The following CSMD1 variants were observed in gnomAD, a reference collection of about 807,000 sequenced individuals.
CSMD1 encodes the protein CUB and Sushi multiple domains 1.
A neutral mutation model predicts 417.5 loss-of-function variants in CSMD1; 213 were observed. The observed-to-expected ratio is 0.51, with a 90% CI of 0.46 to 0.57. CSMD1 has a LOEUF of 0.57. Among genes scored for constraint, CSMD1 ranks in the 20% least tolerant of loss-of-function variants. CSMD1 has a pLI of 0.00. For missense variants in CSMD1, 6,923 were observed against 4,529.7 expected (o/e 1.53, Z -15.17); for synonymous variants, 2,862 against 1,736.8 (o/e 1.65, Z -16.11).
chr8:4,224,465 T>C (rs567321875), intron 3 of CSMD1, among the ~76,000 whole-genome samples: 4 of 152,018 alleles, frequency 2.6e-5, no homozygotes, highest in South Asian at 4.2e-4. Context: ...GGTTGGGGAA[T>C]AGTTGCTCTG....
intron 3 of CSMD1, among the ~76,000 whole-genome samples, chr8:4,217,887 G>A (rs1563290559): frequency 6.6e-6 from 1 of 152,256 alleles, no homozygotes; most frequent in Non-Finnish European, 1.5e-5. Flanking sequence ...AGAGGAGGTG[G>A]TTTCAGATGA....
intron 12 of CSMD1, among the ~76,000 whole-genome samples, chr8:3,460,978 T>A (rs1816464644): frequency 6.6e-6 from 1 of 152,138 alleles, no homozygotes; most frequent in Admixed American, 6.5e-5. Context: ...ATAAGTTTGT[T>A]CTTTAGCATA....
chr8:4,157,837 C>A (rs773515736), intron 3 of CSMD1, among the ~76,000 whole-genome samples: 1 of 152,150 alleles, frequency 6.6e-6, no homozygotes, highest in Non-Finnish European at 1.5e-5. Flanking sequence ...CTATCCTCCC[C>A]ACAGGAAAAC....
At chr8:4,751,621 C>T (rs1034888192) in intron 1 of CSMD1, among the ~76,000 whole-genome samples, 14 of 152,044 alleles carry the variant, frequency 9.2e-5, no homozygotes, top group Admixed American at 6.6e-5. Flanking sequence ...TAAATAGCAG[C>T]CTCAAGGGTG....
intron 23 of CSMD1, among the ~76,000 whole-genome samples, chr8:3,342,796 A>G (rs1030643434): frequency 6.6e-6 from 1 of 152,160 alleles, no homozygotes; most frequent in African/African-American, 2.4e-5. Context: ...TCTCGTCTCA[A>G]AAATTAATGG....
intron 12 of CSMD1, among the ~76,000 whole-genome samples, chr8:3,447,610 T>C (rs966066609): frequency 1.3e-5 from 2 of 152,160 alleles, no homozygotes; most frequent in African/African-American, 4.8e-5. Context: ...CCCCTGCACA[T>C]GTGATCATTT....
intron 5 of CSMD1, among the ~76,000 whole-genome samples, chr8:3,981,285 C>A (rs970119338): frequency 6.6e-6 from 1 of 151,992 alleles, no homozygotes; most frequent in Non-Finnish European, 1.5e-5. Context: ...TATGTGGGAG[C>A]TAAGCTATGA....
At chr8:4,695,313 T>C (rs576002329) in intron 1 of CSMD1, among the ~76,000 whole-genome samples, 2 of 152,192 alleles carry the variant, frequency 1.3e-5, no homozygotes, top group African/African-American at 2.4e-5. Context: ...ACTCCTGGCA[T>C]TGAAATAACT....
At chr8:4,642,608 G>C (rs1157467563) in intron 1 of CSMD1, among the ~76,000 whole-genome samples, 9 of 152,272 alleles carry the variant, frequency 5.9e-5, no homozygotes, top group Admixed American at 2.0e-4. Context: ...GTCCTGGGCT[G>C]GGTGGGCATT....
chr8:3,618,462 T>C (rs998760759), intron 7 of CSMD1, among the ~76,000 whole-genome samples: 1 of 150,494 alleles, frequency 6.6e-6, no homozygotes, highest in African/African-American at 2.5e-5. Flanking sequence ...TATTTCTTTT[T>C]TAAAATAAGT....
chr8:2,987,228 T>A (rs1805997920), intron 54 of CSMD1, among the ~76,000 whole-genome samples: 1 of 152,058 alleles, frequency 6.6e-6, no homozygotes, highest in African/African-American at 2.4e-5. Context: ...AAAATTTTAA[T>A]TAAAGAGGCA....
chr8:4,253,388 G>C (rs2128833040), intron 3 of CSMD1, among the ~76,000 whole-genome samples: 1 of 151,580 alleles, frequency 6.6e-6, no homozygotes, highest in East Asian at 2.0e-4. Context: ...TTTTCATTGA[G>C]TCCATAATCT....
At chr8:3,760,320 C>G (rs151043788) in intron 5 of CSMD1, among the ~76,000 whole-genome samples, 18 of 152,262 alleles carry the variant, frequency 1.2e-4, no homozygotes, top group Non-Finnish European at 1.9e-4. Flanking sequence ...ATGCCAAATT[C>G]ATTTCCTTCA....
intron 4 of CSMD1, among the ~76,000 whole-genome samples, chr8:4,010,636 C>G (rs768005758): frequency 3.3e-5 from 5 of 152,080 alleles, no homozygotes; most frequent in African/African-American, 9.7e-5. Flanking sequence ...ACCCAAACAC[C>G]TAAACTCATA....
chr8:3,091,513 T>G lies in CSMD1; in HGVS notation c.7285+3A>C, dbSNP rs570662425. 2 of 1,597,988 alleles carry G rather than the reference T, an allele frequency of 1.3e-6. No homozygotes were observed. Among genetic ancestry groups the G allele is most frequent in the East Asian group, 4.5e-5 (2 of 44,258 alleles). On this transcript the variant is annotated splice_donor_region_variant and intron_variant, in intron 48 of 69. Transcript: ENST00000635120. ...ATATAAAATCTAAACCTCATTTACT[T>G]ACCTGCATAGCGAATCTTGAATCCT... is the stretch of plus-strand genomic sequence containing the variant.
At chr8:4,707,886 C>CAAAAAAAAAAAAAAAAAAAAAAAAAAAA (rs552510236) in intron 1 of CSMD1, among the ~76,000 whole-genome samples, 6 of 100,850 alleles carry the variant, frequency 5.9e-5, no homozygotes, top group Non-Finnish European at 1.2e-4. Context: ...GACTTTGTTT[C>CAAAAAAAAAAAAAAAAAAAAAAAAAAAA]AAAAAAAAAA....
intron 7 of CSMD1, among the ~76,000 whole-genome samples, chr8:3,693,142 A>C (rs1000995632): frequency 8.5e-5 from 13 of 152,188 alleles, no homozygotes; most frequent in South Asian, 6.2e-4. Context: ...AGTCACCCAC[A>C]CTGTGTCAAG....
chr8:3,672,352 AGT>A (rs34295889), intron 7 of CSMD1, among the ~76,000 whole-genome samples: 65,378 of 151,714 alleles, frequency 0.43, 14,440 homozygotes, highest in Admixed American at 0.55. Context: ...TTTCAGTTGT[AGT>A]GTGTGTCGGC....
chr8:4,046,629 A>AAGAC (rs769436549), intron 3 of CSMD1, among the ~76,000 whole-genome samples: 16,004 of 152,080 alleles, frequency 0.11, 249 homozygotes, highest in East Asian at 0.3. Context: ...TAATTCCATC[A>AAGAC]TAACAAACAA....
Sources: gnomAD v4.1 joint callset for allele counts (sites outside exome capture counted in the v4.1 genomes callset) on GRCh38, gnomAD v4.1.1 for gene constraint, MANE v1.5 for transcripts, NCBI Gene and HGNC (gene_info 2026-07-23, HGNC 2026-07-21) for gene names.